ARPP21: variants seen among roughly 807,000 people sequenced by gnomAD.
The protein encoded by ARPP21 is cAMP-regulated phosphoprotein 21.
Under a neutral mutation model 113.2 loss-of-function variants are expected in ARPP21, and 69 were observed. The ratio of observed to expected loss-of-function variants is 0.61; its 90% CI spans 0.50 to 0.74. The LOEUF is 0.74. Among genes scored for constraint, ARPP21 ranks in the 30% least tolerant of loss-of-function variants. ARPP21 has a pLI of 0.00. For synonymous variants in ARPP21, 368 were observed against 375.5 expected, an observed-to-expected ratio of 0.98 and a Z score of 0.23; for missense variants, 1,070 against 1,037.4, an observed-to-expected ratio of 1.03 and a Z score of -0.43.
intron 10 of ARPP21, among the ~76,000 whole-genome samples, chr3:35,708,059 C>T (rs887946354): frequency 2.0e-5 from 3 of 152,072 alleles, no homozygotes; most frequent in South Asian, 2.1e-4. Context: ...GTATGTGCAT[C>T]TCTGACGCAC....
intron 9 of ARPP21, among the ~76,000 whole-genome samples, chr3:35,702,215 T>C (rs552915804): frequency 3.2e-4 from 49 of 151,892 alleles, no homozygotes; most frequent in South Asian, 8.3e-4. Context: ...TTTATGTTTG[T>C]ATTAATTGCT....
chr3:35,762,215 T>A (rs2095810130), intron 19 of ARPP21, among the ~76,000 whole-genome samples: 1 of 151,792 alleles, frequency 6.6e-6, no homozygotes, highest in Non-Finnish European at 1.5e-5. Flanking sequence ...AAGAGTCAAT[T>A]GTTATTCTTC....
intron 19 of ARPP21, among the ~76,000 whole-genome samples, chr3:35,790,638 T>G (rs944067546): frequency 6.6e-6 from 1 of 152,198 alleles, no homozygotes; most frequent in Non-Finnish European, 1.5e-5. Context: ...TTTTCCTTAT[T>G]GTATAAACTT....
At chr3:35,779,785 C>T (rs145587553) in intron 19 of ARPP21, among the ~76,000 whole-genome samples, 1 of 152,308 alleles carries the variant, frequency 6.6e-6, no homozygotes, top group East Asian at 1.9e-4. Context: ...AAATGCCTTG[C>T]CAAGTTTGAG....
In ARPP21 at chr3:35,729,387, G is replaced by C; in HGVS notation, c.1310G>C (p.Gly437Ala). 1 of 1,614,156 alleles carries C rather than the reference G, an allele frequency of 6.2e-7. No individual in the cohort carries two copies. Among genetic ancestry groups the C allele is most frequent in the Non-Finnish European group, 8.5e-7 (1 of 1,180,028 alleles). The change falls in exon 15 of 21, where the codon GGT (glycine) becomes GCT (alanine). Residue 437 changes from glycine to alanine, a missense_variant. Gly to Ala is a moderately conservative substitution (Grantham distance 60, BLOSUM62 0). Coordinates refer to ENST00000684406, the MANE Select transcript of ARPP21 (RefSeq NM_001385562.1). ...PPLQSTPLVS[G>A]VAAGSPGCVP... is the part of the protein sequence containing the mutation. Reference sequence around the variant, plus strand: ...CTCCAGAGCACACCCCTAGTCTCAGGTGTGGCAGCTGGCTCTCCAGGCTGT... The same window carrying C: ...CTCCAGAGCACACCCCTAGTCTCAGCTGTGGCAGCTGGCTCTCCAGGCTGT...
intron 9 of ARPP21, among the ~76,000 whole-genome samples, chr3:35,695,943 A>G (rs2083831805): frequency 6.6e-6 from 1 of 151,504 alleles, no homozygotes; most frequent in Admixed American, 6.6e-5. Context: ...GCACAGTGGC[A>G]GCAGGATGCT....
intron 9 of ARPP21, among the ~76,000 whole-genome samples, chr3:35,703,917 T>C (rs2149913405): frequency 1.3e-5 from 2 of 152,008 alleles, no homozygotes; most frequent in South Asian, 4.1e-4. Flanking sequence ...AAAGCTATAA[T>C]ATAATGGTAC....
intron 3 of ARPP21, 26 bp from the exon 4 acceptor site, chr3:35,682,822 T>C (rs1174494039): frequency 1.9e-5 from 30 of 1,593,256 alleles, no homozygotes; most frequent in Non-Finnish European, 2.2e-5. Context: ...TATTTTATTT[T>C]GTTTTATTTT....
intron 19 of ARPP21, among the ~76,000 whole-genome samples, chr3:35,772,728 G>A (rs918757800): frequency 1.3e-5 from 2 of 151,942 alleles, no homozygotes; most frequent in African/African-American, 4.8e-5. Context: ...ACTTTATTTT[G>A]GGCAGTCATC....
chr3:35,694,044 G>A (rs2083054882), intron 9 of ARPP21, among the ~76,000 whole-genome samples: 1 of 151,510 alleles, frequency 6.6e-6, no homozygotes, highest in South Asian at 2.1e-4. Flanking sequence ...ATACTACTCT[G>A]ACATCATTGT....
intron 15 of ARPP21, among the ~76,000 whole-genome samples, chr3:35,730,974 A>G (rs2093917380): frequency 6.6e-6 from 1 of 152,180 alleles, no homozygotes; most frequent in African/African-American, 2.4e-5. Context: ...TTTTATCTGG[A>G]TTATTGTAAG....
intron 9 of ARPP21, among the ~76,000 whole-genome samples, chr3:35,706,533 T>C (rs1284499556): frequency 6.6e-6 from 1 of 152,192 alleles, no homozygotes; most frequent in Non-Finnish European, 1.5e-5. Flanking sequence ...GTCTAAAGAC[T>C]CTTAAAAGGG....
rs1425547797 is a variant in ARPP21 at position 35,667,956 on chromosome 3, A to AGAAGAG, written c.-212-11826_-212-11825insGGAAGA. ...GGAGAAGGAGAAGAAGAAAAGAAGAAGAAGAAGAAGAAGAAGAAGAAGAAG... is the reference window on the plus strand; with the variant it reads ...GGAGAAGGAGAAGAAGAAAAGAAGAAGAAGAGGAAGAAGAAGAAGAAGAAGAAGAAG... On this transcript the variant is annotated intron_variant, in intron 1 of 20. Coordinates refer to ENST00000684406, the MANE Select transcript of ARPP21 (RefSeq NM_001385562.1). 2.5e-3 allele frequency among the ~76,000 whole-genome samples: 89 copies of AGAAGAG among 35,434 alleles called. 1 individual carries two copies. Among genetic ancestry groups the AGAAGAG allele is most frequent in the African/African-American group, 7.8e-3 (77 of 9,870 alleles). 23.2% of individuals were successfully genotyped at this position (35,434 alleles called of 152,430 possible).
chr3:35,707,802 G>A (rs1686919838), intron 10 of ARPP21, among the ~76,000 whole-genome samples: 1 of 151,924 alleles, frequency 6.6e-6, no homozygotes, highest in African/African-American at 2.4e-5. Context: ...CTTTAGATTG[G>A]CGGGGGGCTA....
At chr3:35,739,199 A>C (rs937290104) in intron 17 of ARPP21, 118 bp from the exon 18 acceptor site, 37 of 1,211,690 alleles carry the variant, frequency 3.1e-5, no homozygotes, top group Non-Finnish European at 3.0e-5. Flanking sequence ...ATTTTTTCCA[A>C]ATTGTACTTC....
At chr3:35,762,517 A>G (rs2095820202) in intron 19 of ARPP21, among the ~76,000 whole-genome samples, 1 of 152,080 alleles carries the variant, frequency 6.6e-6, no homozygotes, top group South Asian at 2.1e-4. Context: ...TATTACAATG[A>G]TCTACTTATT....
At chr3:35,669,968 C>A (rs35070502) in intron 1 of ARPP21, among the ~76,000 whole-genome samples, 16,858 of 152,070 alleles carry the variant, frequency 0.11, 972 homozygotes, top group Non-Finnish European at 0.13. Flanking sequence ...GACCACACAC[C>A]AATGTCTGTC....
At chr3:35,688,880 A>ATTT (rs11457892) in intron 6 of ARPP21, among the ~76,000 whole-genome samples, 1 of 146,742 alleles carries the variant, frequency 6.8e-6, no homozygotes, top group African/African-American at 2.5e-5. Flanking sequence ...CAGAACATTC[A>ATTT]TTTTTTTTTT....
chr3:35,744,090 A>T (rs2094855371), intron 19 of ARPP21, 125 bp downstream of exon 19: 2 of 998,168 alleles, frequency 2.0e-6, no homozygotes, highest in Non-Finnish European at 1.5e-6. Context: ...CCCAGAGAAG[A>T]TAACAAAGCA....
Sources: allele counts gnomAD v4.1 joint callset (sites outside exome capture counted in the v4.1 genomes callset), GRCh38; gene constraint gnomAD v4.1.1; transcripts MANE v1.5; gene names NCBI Gene and HGNC (gene_info 2026-07-23, HGNC 2026-07-21).